The following SUGCT variants were observed in gnomAD, a reference collection of about 807,000 sequenced individuals.
SUGCT encodes succinyl-CoA:glutarate CoA-transferase.
A neutral mutation model predicts 55.0 loss-of-function variants in SUGCT; 41 were observed. The ratio of observed to expected loss-of-function variants is 0.74; its 90% CI spans 0.58 to 0.97. The LOEUF is 0.97. Among genes scored for constraint, SUGCT ranks in the 50% least tolerant of loss-of-function variants. The pLI is 0.00. For synonymous variants in SUGCT, 187 were observed against 200.4 expected, an observed-to-expected ratio of 0.93 and a Z score of 0.56; for missense variants, 568 against 547.8, an observed-to-expected ratio of 1.04 and a Z score of -0.37.
At position 40,860,446 on chromosome 7, in the gene SUGCT, C is replaced by T. The variant is rs754363085; in HGVS notation, c.1284C>T (p.Ser428=). ...YDDRAIGELL[S]AGVVDQHETH ...ACAGGGCCATCGGGGAGCTGCTCAG[C>T]GCTGGAGTGGTGGACCAACATGAAA... is the stretch of plus-strand genomic sequence containing the variant. The change falls in exon 14 of 14, where the codon AGC becomes AGT. Residue 428 remains serine (S), a synonymous_variant. Transcript: ENST00000335693. 27 of 1,613,454 alleles carry T rather than the reference C, an allele frequency of 1.7e-5. No homozygotes were observed. The highest frequency in any genetic ancestry group is 8.8e-5 in the South Asian group (8 of 91,052).
At chr7:40,545,761 A>G (rs1794953503) in intron 12 of SUGCT, among the ~76,000 whole-genome samples, 1 of 152,194 alleles carries the variant, frequency 6.6e-6, no homozygotes, top group African/African-American at 2.4e-5. Flanking sequence ...TATATAGAGA[A>G]TAACAAAGTA....
chr7:40,291,670 A>AT (rs1380832207), intron 8 of SUGCT, among the ~76,000 whole-genome samples: 5 of 145,430 alleles, frequency 3.4e-5, no homozygotes, highest in South Asian at 2.2e-4. Context: ...ATAAAATAAA[A>AT]AAATATATAT....
At chr7:40,295,979 G>T (rs775847610) in intron 8 of SUGCT, among the ~76,000 whole-genome samples, 12 of 152,134 alleles carry the variant, frequency 7.9e-5, no homozygotes, top group East Asian at 1.9e-4. Context: ...GCCTTAATCA[G>T]TGACTGTTTC....
At chr7:40,193,306 A>ATTTT (rs1786038569) in intron 5 of SUGCT, among the ~76,000 whole-genome samples, 1 of 77,914 alleles carries the variant, frequency 1.3e-5, no homozygotes, top group African/African-American at 5.9e-5. Context: ...TTTTTTTGAG[A>ATTTT]TGGAGTCTCA....
chr7:40,741,666 T>C (rs1472262133), intron 12 of SUGCT, among the ~76,000 whole-genome samples: 1 of 152,234 alleles, frequency 6.6e-6, no homozygotes, highest in East Asian at 1.9e-4. Context: ...TTGTTTGCCA[T>C]GGTAAAATAA....
At chr7:40,286,901 C>CT (rs1793384661) in intron 8 of SUGCT, among the ~76,000 whole-genome samples, 1 of 152,132 alleles carries the variant, frequency 6.6e-6, no homozygotes, top group Admixed American at 6.6e-5. Flanking sequence ...CCGGAGTTGA[C>CT]TACTAGTGTT....
chr7:40,911,758 A>C, the SUGCT span, among the ~76,000 whole-genome samples: 1 of 152,200 alleles, frequency 6.6e-6, no homozygotes, highest in South Asian at 2.1e-4. Context: ...TGTCATGCAA[A>C]TCATGCTTAG....
chr7:40,838,135 C>G (rs1012628515), intron 13 of SUGCT, among the ~76,000 whole-genome samples: 2 of 152,150 alleles, frequency 1.3e-5, no homozygotes, highest in African/African-American at 4.8e-5. Flanking sequence ...ACTGGTACTA[C>G]ATGGTCTTGA....
intron 6 of SUGCT, among the ~76,000 whole-genome samples, chr7:40,234,396 C>CA (rs1788892689): frequency 6.6e-6 from 1 of 152,178 alleles, no homozygotes; most frequent in Admixed American, 6.5e-5. Context: ...GTGCCCTCTA[C>CA]AGCAGCACAC....
the SUGCT span, among the ~76,000 whole-genome samples, chr7:40,919,478 T>C: frequency 0.028 from 4,203 of 152,320 alleles, 82 homozygotes; most frequent in Non-Finnish European, 0.044. Context: ...GGGTTCTTAA[T>C]ATATTGTTTA....
At chr7:40,959,834 G>C in the SUGCT span, among the ~76,000 whole-genome samples, 1 of 152,174 alleles carries the variant, frequency 6.6e-6, no homozygotes, top group Non-Finnish European at 1.5e-5. Context: ...CTGGTGTGTG[G>C]GTTGCAAAGA....
At chr7:40,449,163 T>C (rs1789046867) in intron 9 of SUGCT, 124 bp from the exon 10 acceptor site, 1 of 625,654 alleles carries the variant, frequency 1.6e-6, no homozygotes, top group Admixed American at 2.9e-5. Context: ...AGATACAAAT[T>C]AATCGATATT....
intron 12 of SUGCT, among the ~76,000 whole-genome samples, chr7:40,638,386 G>A (rs1800113684): frequency 6.6e-6 from 1 of 152,118 alleles, no homozygotes; most frequent in Admixed American, 6.6e-5. Flanking sequence ...GCTCTGGCTG[G>A]ATCACTCTCA....
Position 40,592,237 on chromosome 7 carries a change from A to G in SUGCT, c.1089+95851A>G, listed in dbSNP as rs565572416. 2.4e-4 allele frequency among the ~76,000 whole-genome samples: 36 copies of G among 152,276 alleles called. No homozygotes were observed. The South Asian group carries it at 2.5e-3, about 11-fold the overall frequency. ...ATCATAATTATGGGCCGTCCAATTTAGCTATTGTTAACTGAGGTCCCATAG... is the reference window on the plus strand; with the variant it reads ...ATCATAATTATGGGCCGTCCAATTTGGCTATTGTTAACTGAGGTCCCATAG... On this transcript the variant is annotated intron_variant, in intron 12 of 13. Transcript: ENST00000335693.
At chr7:40,447,779 C>A (rs368176699) in intron 9 of SUGCT, among the ~76,000 whole-genome samples, 1 of 151,754 alleles carries the variant, frequency 6.6e-6, no homozygotes, top group Admixed American at 6.6e-5. Context: ...AGGAGTAAGT[C>A]CAGTCAAGGA....
chr7:40,606,077 C>T (rs1798519282), intron 12 of SUGCT, among the ~76,000 whole-genome samples: 1 of 152,156 alleles, frequency 6.6e-6, no homozygotes, highest in Admixed American at 6.5e-5. Context: ...AAACATCTCT[C>T]AGGAAGGTAG....
chr7:40,709,381 C>A (rs904311880), intron 12 of SUGCT, among the ~76,000 whole-genome samples: 6 of 152,158 alleles, frequency 3.9e-5, no homozygotes, highest in Admixed American at 3.9e-4. Context: ...AGGGAGCAGT[C>A]TTTAGGAAAA....
rs535573524 is a variant in SUGCT at position 40,676,276 on chromosome 7, T to G, written c.1090-73158T>G. Among the ~76,000 whole-genome samples, 19 of 152,278 alleles carry G rather than the reference T, an allele frequency of 1.2e-4. No homozygotes were observed. The South Asian group carries it at 3.7e-3, about 30-fold the overall frequency. ...AGTATGCTTGGAAACAGTATAGAAT[T>G]GAAATATGGCTACTATTACTTTTCT... On this transcript the variant is annotated intron_variant, in intron 12 of 13. Transcript: ENST00000335693.
At chr7:40,176,589 C>G (rs1784932552) in intron 1 of SUGCT, among the ~76,000 whole-genome samples, 1 of 151,758 alleles carries the variant, frequency 6.6e-6, no homozygotes, top group South Asian at 2.1e-4. Context: ...ATTCTTTTTG[C>G]CTTTTTTTTC....
Sources: allele counts gnomAD v4.1 joint callset (sites outside exome capture counted in the v4.1 genomes callset), GRCh38; gene constraint gnomAD v4.1.1; transcripts MANE v1.5; gene names NCBI Gene and HGNC (gene_info 2026-07-23, HGNC 2026-07-21).